The following NRXN1 variants were observed in gnomAD, a reference collection of about 807,000 sequenced individuals.
NRXN1 encodes neurexin-1.
Under a neutral mutation model 150.9 loss-of-function variants are expected in NRXN1, and 39 were observed. The observed-to-expected ratio is 0.26, with a 90% CI of 0.20 to 0.34. The LOEUF (loss-of-function observed/expected upper bound fraction) is 0.34. Among genes scored for constraint, NRXN1 ranks in the 10% least tolerant of loss-of-function variants. The pLI is 1.00. For synonymous variants in NRXN1, 924 were observed against 757.0 expected (o/e 1.22, Z -3.62); for missense variants, 1,815 against 1,949.9 (o/e 0.93, Z 1.30).
intron 17 of NRXN1, among the ~76,000 whole-genome samples, chr2:50,241,618 T>A (rs1439278051): frequency 6.6e-6 from 1 of 151,788 alleles, no homozygotes; most frequent in African/African-American, 2.4e-5. Flanking sequence ...GCTGGCTCTA[T>A]CAGACACAAA....
intron 5 of NRXN1, among the ~76,000 whole-genome samples, chr2:50,722,144 C>G (rs935015145): frequency 6.6e-6 from 1 of 152,052 alleles, no homozygotes; most frequent in East Asian, 1.9e-4. Flanking sequence ...CTTTGCTATT[C>G]TTCAAAATTT....
intron 5 of NRXN1, among the ~76,000 whole-genome samples, chr2:50,692,159 T>C (rs74560955): frequency 0.016 from 2,359 of 152,158 alleles, 29 homozygotes; most frequent in South Asian, 0.045. Flanking sequence ...AAAGAAATTT[T>C]ACAGAAAAAA....
At chr2:50,375,229 A>T (rs7581097) in intron 17 of NRXN1, among the ~76,000 whole-genome samples, 43,591 of 151,608 alleles carry the variant, frequency 0.29, 6,694 homozygotes, top group East Asian at 0.56. Context: ...GTAGCTAAAG[A>T]CAATTATTCA....
intron 2 of NRXN1, among the ~76,000 whole-genome samples, chr2:51,026,754 C>T (rs1302570283): frequency 1.3e-5 from 2 of 152,138 alleles, no homozygotes; most frequent in Non-Finnish European, 2.9e-5. Context: ...CATTTTTAAA[C>T]GTCAGCTGAC....
At chr2:50,241,068 T>C (rs1362923369) in intron 17 of NRXN1, among the ~76,000 whole-genome samples, 2 of 151,686 alleles carry the variant, frequency 1.3e-5, no homozygotes, top group Non-Finnish European at 3.0e-5. Context: ...ATTAGGACTT[T>C]TATGTAAACT....
intron 8 of NRXN1, among the ~76,000 whole-genome samples, chr2:50,582,504 A>AT (rs397792242): frequency 1.3e-4 from 19 of 141,974 alleles, no homozygotes; most frequent in African/African-American, 4.6e-4. Flanking sequence ...AAAAAAAAAA[A>AT]TTATTTACCA....
chr2:49,996,045 T>A (rs1265050740), intron 21 of NRXN1, among the ~76,000 whole-genome samples: 1 of 151,760 alleles, frequency 6.6e-6, no homozygotes. Context: ...TGGGATGGGG[T>A]GAGTATGATG....
At chr2:50,295,011 C>A (rs1553398590) in intron 17 of NRXN1, among the ~76,000 whole-genome samples, 1 of 152,154 alleles carries the variant, frequency 6.6e-6, no homozygotes, top group Admixed American at 6.6e-5. Flanking sequence ...TTGATTTGGG[C>A]AAACTATATT....
chr2:50,406,567 A>G (rs1459439356), intron 17 of NRXN1, among the ~76,000 whole-genome samples: 3 of 152,190 alleles, frequency 2.0e-5, no homozygotes, highest in Admixed American at 1.3e-4. Flanking sequence ...CTTCATAGCT[A>G]TATCTAGCCA....
At chr2:50,531,825 T>C (rs1461948641) in intron 10 of NRXN1, among the ~76,000 whole-genome samples, 2 of 149,700 alleles carry the variant, frequency 1.3e-5, no homozygotes, top group Admixed American at 6.6e-5. Context: ...GTGGATTTTT[T>C]TGTTGTTGTT....
intron 18 of NRXN1, among the ~76,000 whole-genome samples, chr2:50,104,240 A>G (rs1701346540): frequency 6.6e-6 from 1 of 152,078 alleles, no homozygotes; most frequent in African/African-American, 2.4e-5. Context: ...TCTTCTGATT[A>G]GCAGAATTAT....
At chr2:50,881,530 C>T (rs1318450000) in intron 5 of NRXN1, among the ~76,000 whole-genome samples, 2 of 151,860 alleles carry the variant, frequency 1.3e-5, no homozygotes, top group African/African-American at 4.8e-5. Context: ...ATAAAAATGG[C>T]ACTTGCAAAA....
chr2:50,806,820 A>G (rs906890992), intron 5 of NRXN1, among the ~76,000 whole-genome samples: 12 of 152,162 alleles, frequency 7.9e-5, no homozygotes, highest in Non-Finnish European at 1.6e-4. Context: ...TCAGAAATAC[A>G]TAATTTGAAA....
chr2:49,982,761 A>G lies in NRXN1; in HGVS notation c.4129-38970T>C, dbSNP rs544147635. Among the ~76,000 whole-genome samples the G allele has an allele frequency of 5.3e-5, 8 of 152,216 alleles. No individual in the cohort carries two copies. The South Asian group carries it at 1.5e-3, about 28-fold the overall frequency. On this transcript the variant is annotated intron_variant, in intron 21 of 22. Coordinates refer to ENST00000401669, the MANE Select transcript of NRXN1 (RefSeq NM_001330078.2). ...TCTGTGTTTTTTAGATAATGGACGC[A>G]TTTCTATTCTGCATTTCTGCTTTGT...
chr2:50,915,768 G>A (rs1337026250), intron 5 of NRXN1, among the ~76,000 whole-genome samples: 5 of 150,678 alleles, frequency 3.3e-5, no homozygotes, highest in African/African-American at 9.7e-5. Flanking sequence ...AAATGCACAC[G>A]GTATCTTTTC....
intron 8 of NRXN1, among the ~76,000 whole-genome samples, chr2:50,617,683 C>T (rs1231213934): frequency 6.6e-6 from 1 of 152,086 alleles, no homozygotes; most frequent in African/African-American, 2.4e-5. Context: ...GTGAATCCTC[C>T]TTTTATGAGT....
At chr2:50,381,459 C>A (rs1008091385) in intron 17 of NRXN1, among the ~76,000 whole-genome samples, 3 of 146,240 alleles carry the variant, frequency 2.1e-5, no homozygotes, top group African/African-American at 7.5e-5. Context: ...GTTAGTTTTG[C>A]GAATAAACTG....
intron 2 of NRXN1, among the ~76,000 whole-genome samples, chr2:50,966,440 G>T (rs1052782096): frequency 5.9e-5 from 9 of 151,560 alleles, no homozygotes; most frequent in African/African-American, 2.2e-4. Context: ...CAATAACGGA[G>T]GGCCTTATTA....
chr2:50,743,019 A>G lies in NRXN1; in HGVS notation c.833-119404T>C, dbSNP rs547572407. On this transcript the variant is annotated intron_variant, in intron 5 of 22. Transcript: ENST00000401669. ...GTAGCACATGTGAAAATTGTAGCAG[A>G]AATAAAAGTATAAGAAAAGACAGTG... 2.6e-5 allele frequency among the ~76,000 whole-genome samples: 4 copies of G among 152,218 alleles called. No homozygotes were observed. In the South Asian group the frequency reaches 8.3e-4, roughly 32 times the overall value.
Sources: gnomAD v4.1 joint callset for allele counts (sites outside exome capture counted in the v4.1 genomes callset) on GRCh38, gnomAD v4.1.1 for gene constraint, MANE v1.5 for transcripts, NCBI Gene and HGNC (gene_info 2026-07-23, HGNC 2026-07-21) for gene names.